Variants in NUP93 observed in about 807,000 individuals in gnomAD.
NUP93 encodes nuclear pore complex protein Nup93.
NUP93 carries 55 observed loss-of-function variants against 107.8 expected under a neutral mutation model. The observed-to-expected ratio is 0.51, with a 90% CI of 0.41 to 0.64. The LOEUF is 0.64. NUP93 is among the 30% of genes least tolerant of loss of function. NUP93 has a pLI of 0.00. For missense variants in NUP93, 937 were observed against 1,044.7 expected (o/e 0.90, Z 1.42); for synonymous variants, 390 against 397.5 (o/e 0.98, Z 0.22).
At chr16:56,804,229 A>G (rs2073258147) in intron 4 of NUP93, among the ~76,000 whole-genome samples, 1 of 152,214 alleles carries the variant, frequency 6.6e-6, no homozygotes, top group African/African-American at 2.4e-5. Flanking sequence ...GTATATACCC[A>G]GAAGAATTGA....
chr16:56,849,483 G>C lies in NUP93; in HGVS notation c.*4874G>C, dbSNP rs1418267930. The C allele has an allele frequency of 1.3e-5, 2 of 152,248 alleles. No homozygotes were observed. Among genetic ancestry groups the C allele is most frequent in the African/African-American group, 4.8e-5 (2 of 41,462 alleles). 9.4% of individuals were successfully genotyped at this position (152,248 alleles called of 1,614,324 possible). On this transcript the variant is annotated 3_prime_UTR_variant, in exon 22 of 22. Coordinates refer to ENST00000308159, the MANE Select transcript of NUP93 (RefSeq NM_014669.5). ...CCAGACACTGGCTTCTGTTTGAACA[G>C]GAAGTGGGGAGTCAGTGATCCCAGA...
chr16:56,734,872 G>A (rs573570665), intron 1 of NUP93, among the ~76,000 whole-genome samples: 4 of 152,126 alleles, frequency 2.6e-5, no homozygotes, highest in Non-Finnish European at 5.9e-5. Flanking sequence ...GCTAGAATAC[G>A]GCCTTCCTCC....
chr16:56,742,595 T>G (rs1961756880), intron 1 of NUP93, among the ~76,000 whole-genome samples: 1 of 152,242 alleles, frequency 6.6e-6, no homozygotes, highest in Admixed American at 6.5e-5. Context: ...CCCGAACTAT[T>G]CACTACCTGT....
intron 3 of NUP93, among the ~76,000 whole-genome samples, chr16:56,759,258 T>C (rs1486287557): frequency 6.6e-6 from 1 of 152,226 alleles, no homozygotes; most frequent in Non-Finnish European, 1.5e-5. Context: ...TCACGGTCTG[T>C]TTAGTTTTTG....
Position 56,815,865 on chromosome 16 carries a change from ACTGCTG to A in NUP93, c.490-2771_490-2766del, listed in dbSNP as rs59958027. ...TCCAGGATTTCCAGCTACTACTGCT[ACTGCTG>A]CTGCTGCTGCTGCTGCTGCTGCTGC... On this transcript the variant is annotated intron_variant, in intron 5 of 21. Transcript: ENST00000308159. Among the ~76,000 whole-genome samples the A allele has an allele frequency of 5.5e-3, 808 of 147,076 alleles. 7 individuals are homozygous for A. The highest frequency in any genetic ancestry group is 0.018 in the African/African-American group (702 of 39,578).
chr16:56,750,727 G>T (rs955599057), intron 2 of NUP93, among the ~76,000 whole-genome samples: 2 of 152,212 alleles, frequency 1.3e-5, no homozygotes, highest in Non-Finnish European at 2.9e-5. Context: ...CAGTATGAGA[G>T]TTGAGTAGTT....
intron 1 of NUP93, among the ~76,000 whole-genome samples, chr16:56,742,947 A>G (rs1413747096): frequency 6.6e-6 from 1 of 152,212 alleles, no homozygotes; most frequent in Non-Finnish European, 1.5e-5. Flanking sequence ...TAATATCAGA[A>G]AACAGATATG....
chr16:56,756,919 T>G (rs1962035286), intron 2 of NUP93, among the ~76,000 whole-genome samples: 1 of 152,196 alleles, frequency 6.6e-6, no homozygotes, highest in Non-Finnish European at 1.5e-5. Flanking sequence ...TTTCATATGT[T>G]TGTTGGCTGC....
intron 3 of NUP93, among the ~76,000 whole-genome samples, chr16:56,785,456 ACT>A (rs1347790333): frequency 6.6e-6 from 1 of 151,454 alleles, no homozygotes; most frequent in Non-Finnish European, 1.5e-5. Context: ...CAATCTGGAA[ACT>A]CTTCAGTTTT....
rs1172451933 is a variant in NUP93 at position 56,805,585 on chromosome 16, C to T, written c.442C>T (p.Leu148=). The T allele has an allele frequency of 6.2e-7, 1 of 1,614,112 alleles. No homozygotes were observed. Among genetic ancestry groups the T allele is most frequent in the South Asian group, 1.1e-5 (1 of 91,074 alleles). The change falls in exon 5 of 22, where the codon CTG becomes TTG. Residue 148 remains leucine (L), a synonymous_variant. Coordinates refer to ENST00000308159, the MANE Select transcript of NUP93 (RefSeq NM_014669.5). ...EQVKQRILHT[L]LASGEDALDF... is the part of the protein sequence containing the mutation. ...AGTGAAACAGCGAATTCTGCACACACTGCTGGCATCAGGAGAAGACGCCCT... is the reference window on the plus strand; with the variant it reads ...AGTGAAACAGCGAATTCTGCACACATTGCTGGCATCAGGAGAAGACGCCCT...
chr16:56,833,729 A>G (rs1248422233), intron 13 of NUP93, among the ~76,000 whole-genome samples: 1 of 152,132 alleles, frequency 6.6e-6, no homozygotes, highest in Non-Finnish European at 1.5e-5. Context: ...GCTGGCTTTA[A>G]TGACATTGGA....
At chr16:56,819,489 G>C (rs575074237) in intron 6 of NUP93, among the ~76,000 whole-genome samples, 44 of 152,350 alleles carry the variant, frequency 2.9e-4, no homozygotes, top group African/African-American at 1.0e-3. Flanking sequence ...CAGTGGTCCA[G>C]GAATATCTGC....
Position 56,848,903 on chromosome 16 carries a change from A to G in NUP93, c.*4294A>G, listed in dbSNP as rs1291428933. ...GCTCGTTTTTTTCGTTTTTTTGTCC[A>G]GGATCACCTAAGTGAAGTACTCGTG... On this transcript the variant is annotated 3_prime_UTR_variant, in exon 22 of 22. Coordinates refer to ENST00000308159, the MANE Select transcript of NUP93 (RefSeq NM_014669.5). 8 of 152,178 alleles carry G rather than the reference A, an allele frequency of 5.3e-5. No homozygotes were observed. The highest frequency in any genetic ancestry group is 5.9e-5 in the Non-Finnish European group (4 of 68,036). The allele number at this position is 152,178 out of a possible 1,614,324, so 9.4% of individuals were successfully genotyped here. A position where few individuals can be genotyped will look rare whatever the true frequency, so the allele number is the denominator to read the frequency against.
chr16:56,815,853 G>GCTACTA (rs1401746421), intron 5 of NUP93, among the ~76,000 whole-genome samples: 1 of 140,196 alleles, frequency 7.1e-6, no homozygotes, highest in African/African-American at 2.7e-5. Context: ...AGGATTTCCA[G>GCTACTA]CTACTACTGC....
intron 5 of NUP93, among the ~76,000 whole-genome samples, chr16:56,808,088 T>G: frequency 7.3e-6 from 1 of 136,748 alleles, no homozygotes; most frequent in Non-Finnish European, 1.5e-5. Flanking sequence ...TAAAAATATA[T>G]AAATATACAC....
At chr16:56,783,861 CT>C (rs1299304694) in intron 3 of NUP93, 1 of 985,232 alleles carries the variant, frequency 1.0e-6, no homozygotes. Context: ...AAATGGAATT[CT>C]TTTGTCTACA....
chr16:56,766,590 C>A (rs1317332540), intron 3 of NUP93, among the ~76,000 whole-genome samples: 5 of 152,166 alleles, frequency 3.3e-5, no homozygotes, highest in Admixed American at 2.0e-4. Context: ...TACTGTAGAC[C>A]AGTCTGTTGT....
chr16:56,736,895 C>T (rs1031689301), intron 1 of NUP93, among the ~76,000 whole-genome samples: 4 of 152,158 alleles, frequency 2.6e-5, no homozygotes, highest in Admixed American at 6.5e-5. Flanking sequence ...AGAATTTGCC[C>T]TGACAAGGGA....
At position 56,830,628 on chromosome 16, in the gene NUP93, A is replaced by G. The variant is rs1963763648; in HGVS notation, c.1028A>G (p.His343Arg). The change falls in exon 10 of 22, where the codon CAC (histidine) becomes CGC (arginine). Residue 343 changes from histidine to arginine, a missense_variant. Transcript: ENST00000308159. ...TCACAGGTAGTTAATCGAGCCCAGC[A>G]CCAGCTGGGAGAGTTTAAAACCTGG... ...AASQVVNRAQHQLGEFKTWFQ... is the reference protein window; with the variant it reads ...AASQVVNRAQRQLGEFKTWFQ... The G allele has an allele frequency of 1.9e-5, 31 of 1,609,854 alleles. No homozygotes were observed. The highest frequency in any genetic ancestry group is 2.6e-5 in the Non-Finnish European group (31 of 1,176,494).
Sources: allele counts gnomAD v4.1 joint callset (sites outside exome capture counted in the v4.1 genomes callset), GRCh38; gene constraint gnomAD v4.1.1; transcripts MANE v1.5; gene names NCBI Gene and HGNC (gene_info 2026-07-23, HGNC 2026-07-21).